PRKCSH: variants seen among roughly 807,000 people sequenced by gnomAD.
PRKCSH encodes glucosidase 2 subunit beta.
Under a neutral mutation model 79.7 loss-of-function variants are expected in PRKCSH, and 42 were observed. The observed-to-expected ratio is 0.53, with a 90% confidence interval of 0.41 to 0.68. The LOEUF (loss-of-function observed/expected upper bound fraction) is 0.68. Ranked by LOEUF, PRKCSH falls within the 30% of genes least tolerant of loss-of-function variation. PRKCSH has a pLI of 0.00. For synonymous variants in PRKCSH, 325 were observed against 288.2 expected, an observed-to-expected ratio of 1.13 and a Z score of -1.29; for missense variants, 686 against 709.0, an observed-to-expected ratio of 0.97 and a Z score of 0.37.
At chr19:11,440,008 C>T (rs562505648) in intron 5 of PRKCSH, among the ~76,000 whole-genome samples, 1 of 151,484 alleles carries the variant, frequency 6.6e-6, no homozygotes, top group Admixed American at 6.6e-5. Context: ...TTGCTTGGGC[C>T]TGGGAAGCAG....
At chr19:11,436,749 G>T (rs374647075) in intron 3 of PRKCSH, 88 of 503,366 alleles carry the variant, frequency 1.7e-4, no homozygotes, top group East Asian at 1.2e-3. Flanking sequence ...AATCCCGAAG[G>T]TGCTGCAGAT....
Position 11,448,475 on chromosome 19 carries a change from CTG to C in PRKCSH, c.1197-63_1197-62del. 1 of 1,514,638 alleles carries C rather than the reference CTG, an allele frequency of 6.6e-7. No individual in the cohort carries two copies. The highest frequency in any genetic ancestry group is 1.1e-5 in the South Asian group (1 of 88,834). The allele number at this position is 1,514,638 out of a possible 1,614,324, so 93.8% of individuals were successfully genotyped here. On this transcript the variant is annotated intron_variant, in intron 13 of 17. Transcript: ENST00000677123. The surrounding 1 kb of genome is among the most constrained non-coding windows in gnomAD (Gnocchi z 4.4). ...ATTGCTCAGCCAGACCCTCCTGTGT[CTG>C]TCGTCCTGGGTCAGGCACTGGCGTC...
intron 6 of PRKCSH, among the ~76,000 whole-genome samples, chr19:11,441,686 G>C (rs1005369153): frequency 1.2e-4 from 18 of 152,154 alleles, no homozygotes; most frequent in African/African-American, 4.3e-4. Context: ...AAGATGGGCT[G>C]ATGACCAGAT....
rs1275645406 is a variant in PRKCSH, at chr19:11,438,275, C to A, written c.350+151C>A. ...TGTGAATCCTAATCCCCACCTTTCC[C>A]TCTAGTCTGGAAGCAGGTAGGATTG... On this transcript the variant is annotated intron_variant, in intron 5 of 17. Transcript: ENST00000677123. 41 of 890,602 alleles carry A rather than the reference C, an allele frequency of 4.6e-5. No individual in the cohort carries two copies. In the East Asian group the frequency reaches 1.1e-3, roughly 23 times the overall value. 55.2% of individuals were successfully genotyped at this position (890,602 alleles called of 1,614,324 possible). A position where few individuals can be genotyped will look rare whatever the true frequency, so the allele number is the denominator to read the frequency against.
rs758607686 is a variant in PRKCSH at position 11,439,605 on chromosome 19, CTTTTTT to C, written c.350+1503_350+1508del. 2.4e-3 allele frequency among the ~76,000 whole-genome samples: 162 copies of C among 68,824 alleles called. 1 individual carries two copies. Among genetic ancestry groups the C allele is most frequent in the East Asian group, 0.023 (52 of 2,310 alleles). 45.2% of individuals were successfully genotyped at this position (68,824 alleles called of 152,430 possible). A position where few individuals can be genotyped will look rare whatever the true frequency, so the allele number is the denominator to read the frequency against. On this transcript the variant is annotated intron_variant, in intron 5 of 17. Transcript: ENST00000677123. ...CCCGTCTCAGAAAAATTTTTCTTTT[CTTTTTT>C]TTTTTTTTTTTTTTTTTTTTTGTGA... is the stretch of plus-strand genomic sequence containing the variant.
Position 11,436,015 on chromosome 19 carries a change from G to C in PRKCSH, c.-77-26G>C, listed in dbSNP as rs916561986. 2.3e-5 allele frequency: 34 copies of C among 1,499,576 alleles called. No individual in the cohort carries two copies. In the African/African-American group the frequency reaches 4.7e-4, roughly 21 times the overall value. The allele number at this position is 1,499,576 out of a possible 1,614,324, so 92.9% of individuals were successfully genotyped here. A position where few individuals can be genotyped will look rare whatever the true frequency, so the allele number is the denominator to read the frequency against. The stretch of plus-strand genomic sequence containing the variant: ...TGGCTGGAAGTAGCCCTCTCCCACT[G>C]ACCGGGATCCGCTTTCTTCCTGCAG... On this transcript the variant is annotated intron_variant, in intron 1 of 17. Transcript: ENST00000677123.
At chr19:11,437,835 T>G in intron 3 of PRKCSH, 41 bp from the exon 4 acceptor site, 18 of 1,556,490 alleles carry the variant, frequency 1.2e-5, no homozygotes, top group Non-Finnish European at 1.6e-5. Context: ...TGTCTGTCCC[T>G]GAGCTGACTC....
chr19:11,447,623 G>A lies in PRKCSH; in HGVS notation c.1029+5G>A, dbSNP rs779083008. ...GTGCAGGGGGAGCAGCCCAAGGTCC[G>A]TGTTTGGGGGAGAAGTGGAGACAGA... On this transcript the variant is annotated splice_donor_5th_base_variant and intron_variant, in intron 11 of 17. Transcript: ENST00000677123. The surrounding 1 kb of genome is among the most constrained non-coding windows in gnomAD (Gnocchi z 5.6). 31 of 1,581,272 alleles carry A rather than the reference G, an allele frequency of 2.0e-5. 1 individual carries two copies. In the Admixed American group the frequency reaches 4.8e-4, roughly 24 times the overall value.
At chr19:11,435,894 G>T (rs1969697824) in intron 1 of PRKCSH, 147 bp from the exon 2 acceptor site, 2 of 955,172 alleles carry the variant, frequency 2.1e-6, no homozygotes, top group Non-Finnish European at 3.1e-6. Flanking sequence ...TTTGAGCAAA[G>T]TGAGACTGGC....
In PRKCSH at chr19:11,448,015, T is replaced by C; in HGVS notation, c.1127-207T>C. On this transcript the variant is annotated intron_variant, in intron 12 of 17. Transcript: ENST00000677123. The surrounding 1 kb of genome is among the most constrained non-coding windows in gnomAD (Gnocchi z 4.4). Reference sequence around the variant, plus strand: ...AAGGGCCGCAGCTTGTTTGTGTCACTCCTGGCCCCACTCGCTCAGGAGCTG... The same window carrying C: ...AAGGGCCGCAGCTTGTTTGTGTCACCCCTGGCCCCACTCGCTCAGGAGCTG... The C allele has an allele frequency of 1.3e-6, 1 of 753,794 alleles. No individual in the cohort carries two copies. 46.7% of individuals were successfully genotyped at this position (753,794 alleles called of 1,614,324 possible). A position where few individuals can be genotyped will look rare whatever the true frequency, so the allele number is the denominator to read the frequency against.
Position 11,447,524 on chromosome 19 carries a change from C to G in PRKCSH, c.935C>G (p.Thr312Arg), listed in dbSNP as rs531636923. 61 of 1,593,290 alleles carry G rather than the reference C, an allele frequency of 3.8e-5. No homozygotes were observed. In the Admixed American group the frequency reaches 1.0e-3, roughly 27 times the overall value. The change falls in exon 11 of 18, where the codon ACA becomes AGA. Residue 312 changes from threonine (T) to arginine (R), a missense_variant. Physicochemically the swap from Thr to Arg is moderately conservative, Grantham distance 71. Coordinates refer to ENST00000677123, the MANE Select transcript of PRKCSH (RefSeq NM_001289104.2). This position sits in a 1 kb window ranked among gnomAD's most constrained non-coding sequence, Gnocchi z 5.6. ...EEQPPVPSSP[T>R]EEEEEEEEEE... ...CAGCCGCCAGTGCCCTCGTCGCCCA[C>G]AGAGGAGGAGGAGGAGGAGGAGGAG...
intron 7 of PRKCSH, among the ~76,000 whole-genome samples, chr19:11,443,321 G>GAGAATCGCTGGAACC (rs1970150703): frequency 6.6e-6 from 1 of 152,186 alleles, no homozygotes. Context: ...GCTGAGGCAG[G>GAGAATCGCTGGAACC]CAGATCACGA....
chr19:11,443,886 C>G (rs1030198992), intron 7 of PRKCSH, among the ~76,000 whole-genome samples: 1 of 152,054 alleles, frequency 6.6e-6, no homozygotes, highest in Non-Finnish European at 1.5e-5. Flanking sequence ...AGTGATTCTC[C>G]TGCCTAGGCT....
At chr19:11,445,799 CT>C (rs1040803115) in intron 8 of PRKCSH, 2 of 475,256 alleles carry the variant, frequency 4.2e-6, no homozygotes, top group African/African-American at 3.9e-5. Flanking sequence ...GGTTCGAATC[CT>C]GGCTGTGCCT....
At chr19:11,440,154 C>CT (rs879570404) in intron 5 of PRKCSH, among the ~76,000 whole-genome samples, 85 of 146,554 alleles carry the variant, frequency 5.8e-4, no homozygotes, top group Admixed American at 1.2e-3. Flanking sequence ...CAACACACTT[C>CT]TTTTTTTTTT....
rs777477188 is a variant in PRKCSH, at chr19:11,436,214, C to T, written c.79+18C>T. The T allele has an allele frequency of 2.5e-6, 4 of 1,591,308 alleles. No homozygotes were observed. Among genetic ancestry groups the T allele is most frequent in the South Asian group, 1.1e-5 (1 of 88,950 alleles). Reference sequence around the variant, plus strand: ...CCTCACCAGTGAGTCCTCCTGTTCACCCTCCCGCCAGGCTGGAGGTGGGAG... The same window carrying T: ...CCTCACCAGTGAGTCCTCCTGTTCATCCTCCCGCCAGGCTGGAGGTGGGAG... On this transcript the variant is annotated intron_variant, in intron 2 of 17. Transcript: ENST00000677123.
intron 17 of PRKCSH, 113 bp from the exon 18 acceptor site, chr19:11,450,533 C>G (rs1458721066): frequency 6.6e-6 from 1 of 152,088 alleles, no homozygotes; most frequent in African/African-American, 2.4e-5. Context: ...CTGGTCAACT[C>G]CTGGCCTCAA....
At chr19:11,435,863 T>C in intron 1 of PRKCSH, 157 bp downstream of exon 1, 1 of 1,068,420 alleles carries the variant, frequency 9.4e-7, no homozygotes, top group Non-Finnish European at 1.3e-6. Context: ...GGTTTTGAGA[T>C]CTTGAGATCC....
At position 11,447,609 on chromosome 19, in the gene PRKCSH, G is replaced by A. The variant is rs777944747; in HGVS notation, c.1020G>A (p.Glu340=). The A allele has an allele frequency of 3.2e-6, 5 of 1,587,048 alleles. No homozygotes were observed. Among genetic ancestry groups the A allele is most frequent in the East Asian group, 4.6e-5 (2 of 43,456 alleles). The change falls in exon 11 of 18, where the codon GAG becomes GAA. Residue 340 remains glutamate, a synonymous_variant. Coordinates refer to ENST00000677123, the MANE Select transcript of PRKCSH (RefSeq NM_001289104.2). This position sits in a 1 kb window ranked among gnomAD's most constrained non-coding sequence, Gnocchi z 5.6. Reference sequence around the variant, plus strand: ...AGGAGGATTCCGAGGTGCAGGGGGAGCAGCCCAAGGTCCGTGTTTGGGGGA... The same window carrying A: ...AGGAGGATTCCGAGGTGCAGGGGGAACAGCCCAAGGTCCGTGTTTGGGGGA... ...EEEEDSEVQG[E]QPKEAPPPLS...
Sources: gnomAD v4.1 joint callset for allele counts (sites outside exome capture counted in the v4.1 genomes callset) on GRCh38, gnomAD v4.1.1 for gene constraint, Gnocchi (gnomAD v3.1) non-coding constraint, MANE v1.5 for transcripts, NCBI Gene and HGNC (gene_info 2026-07-23, HGNC 2026-07-21) for gene names.